RANBP9: variants seen among roughly 807,000 people sequenced by gnomAD.
RANBP9 encodes RAN binding protein 9, also known as ran-binding protein 9.
Under a neutral mutation model 84.3 loss-of-function variants are expected in RANBP9, and 15 were observed. That is an observed-to-expected ratio of 0.18 (90% CI 0.12 to 0.27). The LOEUF is 0.27. Among genes scored for constraint, RANBP9 ranks in the 10% least tolerant of loss-of-function variants. The pLI is 1.00. For synonymous variants in RANBP9, 392 were observed against 349.6 expected (o/e 1.12, Z -1.35); for missense variants, 809 against 912.8 (o/e 0.89, Z 1.46).
At chr6:13,633,855 G>T (rs1052407843) in intron 11 of RANBP9, among the ~76,000 whole-genome samples, 15 of 152,200 alleles carry the variant, frequency 9.9e-5, no homozygotes, top group Admixed American at 9.8e-4. Context: ...GTTTGCTGAT[G>T]GGACAGGCAA....
intron 5 of RANBP9, 89 bp from the exon 6 acceptor site, chr6:13,644,818 A>G (rs1765145441): frequency 3.8e-6 from 4 of 1,051,750 alleles, no homozygotes. Flanking sequence ...GAATAGAACT[A>G]TAAATTTACT....
chr6:13,661,975 A>G (rs1435475903), intron 2 of RANBP9, among the ~76,000 whole-genome samples: 1 of 152,336 alleles, frequency 6.6e-6, no homozygotes, highest in South Asian at 2.1e-4. Flanking sequence ...GGTCCCAGGT[A>G]ATGCAGCAAG....
At position 13,621,695 on chromosome 6, in the gene RANBP9, G is replaced by T. The variant is rs1460884054; in HGVS notation, c.*667C>A. 1 of 152,596 alleles carries T rather than the reference G, an allele frequency of 6.6e-6. No individual in the cohort carries two copies. The highest frequency in any genetic ancestry group is 1.5e-5 in the Non-Finnish European group (1 of 68,024). 9.5% of individuals were successfully genotyped at this position (152,596 alleles called of 1,614,324 possible). A position where few individuals can be genotyped will look rare whatever the true frequency, so the allele number is the denominator to read the frequency against. ...CATGTAATACTGTTATAATACAACA[G>T]TTAAACTTGTGAGTCTACAACAGAA... On this transcript the variant is annotated 3_prime_UTR_variant, in exon 14 of 14. Transcript: ENST00000011619.
rs1010451593 is a variant in RANBP9 at position 13,658,893 on chromosome 6, T to C, written c.684-61A>G. The C allele has an allele frequency of 5.5e-6, 8 of 1,454,970 alleles. No individual in the cohort carries two copies. In the African/African-American group the frequency reaches 9.8e-5, roughly 18 times the overall value. The allele number at this position is 1,454,970 out of a possible 1,614,324, so 90.1% of individuals were successfully genotyped here. ...ATTATTACAGTCATATATGTATAAATTACCAAACAGTCTCAAACAATATCA... is the reference window on the plus strand; with the variant it reads ...ATTATTACAGTCATATATGTATAAACTACCAAACAGTCTCAAACAATATCA... On this transcript the variant is annotated intron_variant, in intron 2 of 13. Coordinates refer to ENST00000011619, the MANE Select transcript of RANBP9 (RefSeq NM_005493.3).
Position 13,666,600 on chromosome 6 carries a change from C to CAAAAAAA in RANBP9, c.684-7775_684-7769dup, listed in dbSNP as rs70989878. On this transcript the variant is annotated intron_variant, in intron 2 of 13. Transcript: ENST00000011619. ...AGACCAGCCTGGGACCCCGTCTCTCCAAAAAAAAAAAAAAAAAAAAAAAAA... is the reference window on the plus strand; with the variant it reads ...AGACCAGCCTGGGACCCCGTCTCTCCAAAAAAAAAAAAAAAAAAAAAAAAAAAAAAAA... 1.1e-3 allele frequency among the ~76,000 whole-genome samples: 47 copies of CAAAAAAA among 43,694 alleles called. 2 individuals carry two copies. Among genetic ancestry groups the CAAAAAAA allele is most frequent in the East Asian group, 2.1e-3 (2 of 940 alleles). The allele number at this position is 43,694 out of a possible 152,430, so 28.7% of individuals were successfully genotyped here.
rs772446146 is a variant in RANBP9 at position 13,711,111 on chromosome 6, G to C, written c.395C>G (p.Pro132Arg). Residue 132 changes from proline to arginine, a missense_variant, in exon 1 of 14, where the codon CCC becomes CGC. By Grantham distance (103) the Pro-to-Arg change is moderately radical. This residue lies in a region of RANBP9 where 302 missense variants were observed against 240.1 expected (regional missense o/e 1.26). Coordinates refer to ENST00000011619, the MANE Select transcript of RANBP9 (RefSeq NM_005493.3). ...CAGGGCCGAGTCCCCGTGAGGGAAG[G>C]GGGCCGCGGCGCTGCTGCCCGCCAC... ...ALVAGSSAAA[P>R]FPHGDSALNE... is the part of the protein sequence containing the mutation. 19 of 1,556,860 alleles carry C rather than the reference G, an allele frequency of 1.2e-5. No individual in the cohort carries two copies. The highest frequency in any genetic ancestry group is 1.6e-5 in the Non-Finnish European group (19 of 1,151,786).
chr6:13,624,430 A>G (rs1764543388), intron 13 of RANBP9, among the ~76,000 whole-genome samples: 1 of 152,196 alleles, frequency 6.6e-6, no homozygotes, highest in African/African-American at 2.4e-5. Flanking sequence ...TTGCAGGGCC[A>G]AACAGCACAG....
intron 5 of RANBP9, 97 bp downstream of exon 5, chr6:13,652,562 T>C: frequency 8.6e-7 from 1 of 1,165,852 alleles, no homozygotes; most frequent in Non-Finnish European, 1.2e-6. Context: ...TAAATATCAA[T>C]AAGACTGTAT....
chr6:13,683,033 C>CCT (rs1439067528), intron 2 of RANBP9, among the ~76,000 whole-genome samples: 3 of 152,144 alleles, frequency 2.0e-5, no homozygotes, highest in Admixed American at 6.5e-5. Context: ...GAGGAAAACT[C>CCT]CTTAGATTCT....
rs1765980468 is a variant in RANBP9, at chr6:13,679,572, A to G, written c.683+17213T>C. Among the ~76,000 whole-genome samples, 3 of 152,228 alleles carry G rather than the reference A, an allele frequency of 2.0e-5. No individual in the cohort carries two copies. In the South Asian group the frequency reaches 6.2e-4, roughly 31 times the overall value. ...TCTACTTTTCACCCAACAGACACAAAATTGTTTATGTTTCCAATAAACTGA... is the reference window on the plus strand; with the variant it reads ...TCTACTTTTCACCCAACAGACACAAGATTGTTTATGTTTCCAATAAACTGA... On this transcript the variant is annotated intron_variant, in intron 2 of 13. Coordinates refer to ENST00000011619, the MANE Select transcript of RANBP9 (RefSeq NM_005493.3).
chr6:13,660,477 C>T (rs144922534), intron 2 of RANBP9, among the ~76,000 whole-genome samples: 69 of 152,254 alleles, frequency 4.5e-4, no homozygotes, highest in African/African-American at 1.6e-3. Context: ...CACACCACTG[C>T]ACTCCACCCT....
chr6:13,658,971 T>C lies in RANBP9; in HGVS notation c.684-139A>G, dbSNP rs1358201886. The C allele has an allele frequency of 4.0e-6, 3 of 752,060 alleles. No homozygotes were observed. In the East Asian group the frequency reaches 7.4e-5, roughly 19 times the overall value. The allele number at this position is 752,060 out of a possible 1,614,324, so 46.6% of individuals were successfully genotyped here. On this transcript the variant is annotated intron_variant, in intron 2 of 13. Coordinates refer to ENST00000011619, the MANE Select transcript of RANBP9 (RefSeq NM_005493.3). Reference sequence around the variant, plus strand: ...GGTAGCAACAAAAATTTTATTACAATTTATTATGTAACAACAACGGGCAAT... The same window carrying C: ...GGTAGCAACAAAAATTTTATTACAACTTATTATGTAACAACAACGGGCAAT...
chr6:13,711,587 C>T lies in RANBP9; in HGVS notation c.-82G>A. ...TTCCCGGGGGCGCTGTCGCTGCGGCCGCCGGCACCAGGCGCCCAGTCCGCC... is the reference window on the plus strand; with the variant it reads ...TTCCCGGGGGCGCTGTCGCTGCGGCTGCCGGCACCAGGCGCCCAGTCCGCC... On this transcript the variant is annotated 5_prime_UTR_variant, in exon 1 of 14. Coordinates refer to ENST00000011619, the MANE Select transcript of RANBP9 (RefSeq NM_005493.3). 8.4e-7 allele frequency: 1 copy of T among 1,197,172 alleles called. No homozygotes were observed. Among genetic ancestry groups the T allele is most frequent in the Non-Finnish European group, 1.0e-6 (1 of 958,966 alleles). The allele number at this position is 1,197,172 out of a possible 1,614,324, so 74.2% of individuals were successfully genotyped here. A position where few individuals can be genotyped will look rare whatever the true frequency, so the allele number is the denominator to read the frequency against.
At chr6:13,676,424 A>C (rs1390758826) in intron 2 of RANBP9, among the ~76,000 whole-genome samples, 1 of 152,126 alleles carries the variant, frequency 6.6e-6, no homozygotes, top group Non-Finnish European at 1.5e-5. Context: ...CAGAAAATAC[A>C]CTCAGAGGGT....
chr6:13,681,431 A>C (rs1006538322), intron 2 of RANBP9, among the ~76,000 whole-genome samples: 1 of 152,134 alleles, frequency 6.6e-6, no homozygotes, highest in Admixed American at 6.5e-5. Context: ...AGTGCAAAAA[A>C]CCCACAGACA....
chr6:13,668,223 A>T lies in RANBP9; in HGVS notation c.684-9391T>A, dbSNP rs141090689. Reference sequence around the variant, plus strand: ...ATGGACAAATTCCTAGAAAGACACAAACTACTGAAACTGCATAGTAATTTT... The same window carrying T: ...ATGGACAAATTCCTAGAAAGACACATACTACTGAAACTGCATAGTAATTTT... On this transcript the variant is annotated intron_variant, in intron 2 of 13. Coordinates refer to ENST00000011619, the MANE Select transcript of RANBP9 (RefSeq NM_005493.3). 7.4e-4 allele frequency among the ~76,000 whole-genome samples: 113 copies of T among 152,236 alleles called. 1 individual carries two copies. Among genetic ancestry groups the T allele is most frequent in the African/African-American group, 2.3e-3 (95 of 41,568 alleles).
chr6:13,657,293 G>C lies in RANBP9; in HGVS notation c.737-17C>G, dbSNP rs189314748. 1.9e-6 allele frequency: 3 copies of C among 1,599,162 alleles called. No individual in the cohort carries two copies. The highest frequency in any genetic ancestry group is 3.3e-4 in the Middle Eastern group (2 of 6,006). On this transcript the variant is annotated splice_polypyrimidine_tract_variant and intron_variant, in intron 3 of 13. Coordinates refer to ENST00000011619, the MANE Select transcript of RANBP9 (RefSeq NM_005493.3). Reference sequence around the variant, plus strand: ...TATCCCAACCTAAGGAGAAAGTTCCGGCATATTTACAATGAAAAGTAAGGT... The same window carrying C: ...TATCCCAACCTAAGGAGAAAGTTCCCGCATATTTACAATGAAAAGTAAGGT...
At chr6:13,631,218 T>A (rs1027000686) in intron 12 of RANBP9, among the ~76,000 whole-genome samples, 1 of 152,158 alleles carries the variant, frequency 6.6e-6, no homozygotes, top group Non-Finnish European at 1.5e-5. Flanking sequence ...AACAGCAGTT[T>A]TTATACTATG....
chr6:13,667,856 A>G (rs1250047889), intron 2 of RANBP9, among the ~76,000 whole-genome samples: 1 of 152,136 alleles, frequency 6.6e-6, no homozygotes, highest in Non-Finnish European at 1.5e-5. Context: ...ACGTATCCCC[A>G]TTCTTACGCA....
Sources: allele counts gnomAD v4.1 joint callset (sites outside exome capture counted in the v4.1 genomes callset), GRCh38; gene constraint gnomAD v4.1.1; regional missense constraint gnomAD v4.1.1; transcripts MANE v1.5; gene names NCBI Gene and HGNC (gene_info 2026-07-23, HGNC 2026-07-21).